KLHL35: variants seen among roughly 807,000 people sequenced by gnomAD.
KLHL35 encodes the protein kelch like family member 35.
KLHL35 carries 50 observed loss-of-function variants against 44.0 expected under a neutral mutation model. That is an observed-to-expected ratio of 1.14 (90% CI 0.91 to 1.44). The LOEUF is 1.44. Ranked by LOEUF, KLHL35 falls within the 40% of genes most tolerant of loss-of-function variation. KLHL35 has a pLI of 0.00. For missense variants in KLHL35, 1,049 were observed against 887.8 expected (o/e 1.18, Z -2.31); for synonymous variants, 470 against 410.4 (o/e 1.15, Z -1.76).
chr11:75,425,600 G>C lies in KLHL35; in HGVS notation c.1186-19C>G, dbSNP rs1258472474. ...CGAACAGCTGCAAGTGAGGACATGG[G>C]CCGGGGAGCCGGGTGCCAGGGCCTT... On this transcript the variant is annotated intron_variant, in intron 4 of 6. Coordinates refer to ENST00000539798, the MANE Select transcript of KLHL35 (RefSeq NM_001039548.3). 2 of 1,451,170 alleles carry C rather than the reference G, an allele frequency of 1.4e-6. No individual in the cohort carries two copies. Among genetic ancestry groups the C allele is most frequent in the Non-Finnish European group, 1.8e-6 (2 of 1,108,272 alleles). 89.9% of individuals were successfully genotyped at this position (1,451,170 alleles called of 1,614,324 possible). A position where few individuals can be genotyped will look rare whatever the true frequency, so the allele number is the denominator to read the frequency against.
Position 75,425,462 on chromosome 11 carries a change from CG to C in KLHL35, c.1304del (p.Ala435GlyfsTer11). The C allele has an allele frequency of 6.4e-7, 1 of 1,571,330 alleles. No individual in the cohort carries two copies. The highest frequency in any genetic ancestry group is 1.2e-5 in the South Asian group (1 of 86,800). ...APLPEAVSSA[A>X]VASCAGKLFV... ...AGAGCTTGCCCGCGCAGGACGCCAC[CG>C]CCGCCGAGCTCACGGCCTCCGGGAG... On this transcript the variant is annotated frameshift_variant, in exon 5 of 7. Transcript: ENST00000539798. LOFTEE classifies it high-confidence loss of function.
Position 75,430,568 on chromosome 11 carries a change from G to A in KLHL35, c.62C>T (p.Pro21Leu). 6.9e-7 allele frequency: 1 copy of A among 1,451,306 alleles called. No homozygotes were observed. Among genetic ancestry groups the A allele is most frequent in the Admixed American group, 2.6e-5 (1 of 38,616 alleles). The allele number at this position is 1,451,306 out of a possible 1,614,324, so 89.9% of individuals were successfully genotyped here. The stretch of plus-strand genomic sequence containing the variant: ...CTGCAGCACGCGCTGCGCGTGGCAC[G>A]GACCCGCGCACGGCGCTTCGCAGCC... Reference protein sequence around the residue: ...EPGCEAPCAGPCHAQRVLQAL... With the variant: ...EPGCEAPCAGLCHAQRVLQAL... Residue 21 changes from proline (P) to leucine (L), a missense_variant, in exon 2 of 7, where the codon CCG becomes CTG. Coordinates refer to ENST00000539798, the MANE Select transcript of KLHL35 (RefSeq NM_001039548.3).
chr11:75,432,807 T>C (rs916690377), intron 1 of KLHL35, among the ~76,000 whole-genome samples: 1 of 152,008 alleles, frequency 6.6e-6, no homozygotes, highest in African/African-American at 2.4e-5. Flanking sequence ...TCAATGGGTA[T>C]CCTCCCTTCT....
In KLHL35 at chr11:75,422,744, C is replaced by CA; in HGVS notation, c.1587dup (p.Asp530Ter). 1 of 1,613,804 alleles carries CA rather than the reference C, an allele frequency of 6.2e-7. No homozygotes were observed. The highest frequency in any genetic ancestry group is 1.1e-5 in the South Asian group (1 of 91,084). ...CCGCCAAGGATGTGGACCTTCCCGT[C>CA]ACACACAGTGACTCCACAGCTTTCC... On this transcript the variant is annotated frameshift_variant, in exon 7 of 7. Coordinates refer to ENST00000539798, the MANE Select transcript of KLHL35 (RefSeq NM_001039548.3). LOFTEE classifies it high-confidence loss of function.
rs150080924 is a variant in KLHL35, at chr11:75,426,887, G to A, written c.1067-249C>T. The A allele has an allele frequency of 4.0e-3, 1,489 of 371,108 alleles. 32 individuals carry two copies. Among genetic ancestry groups the A allele is most frequent in the African/African-American group, 0.028 (1,399 of 49,228 alleles). 23.0% of individuals were successfully genotyped at this position (371,108 alleles called of 1,614,324 possible). On this transcript the variant is annotated intron_variant, in intron 3 of 6. Coordinates refer to ENST00000539798, the MANE Select transcript of KLHL35 (RefSeq NM_001039548.3). Reference sequence around the variant, plus strand: ...CAGGAAGAAGGGGCTGGTTTTCGCCGGGCACCTTGTGGTGGTGGTGGTGGT... The same window carrying A: ...CAGGAAGAAGGGGCTGGTTTTCGCCAGGCACCTTGTGGTGGTGGTGGTGGT...
rs1948522233 is a variant in KLHL35 at position 75,430,120 on chromosome 11, C to CAGCGGGGCT, written c.509_510insAGCCCCGCT (p.Pro169_Ala171dup). 3 of 1,267,462 alleles carry CAGCGGGGCT rather than the reference C, an allele frequency of 2.4e-6. No homozygotes were observed. Among genetic ancestry groups the CAGCGGGGCT allele is most frequent in the Non-Finnish European group, 2.0e-6 (2 of 1,010,820 alleles). The allele number at this position is 1,267,462 out of a possible 1,614,324, so 78.5% of individuals were successfully genotyped here. Reference sequence around the variant, plus strand: ...GCAGGACGCGGCCGCAGCGCTCGGCCAGCGGGGCCAGCGAGAAGGCGGCGG... The same window carrying CAGCGGGGCT: ...GCAGGACGCGGCCGCAGCGCTCGGCCAGCGGGGCTAGCGGGGCCAGCGAGAAGGCGGCGG... On this transcript the variant is annotated inframe_insertion, in exon 2 of 7. Transcript: ENST00000539798.
intron 6 of KLHL35, 146 bp downstream of exon 6, chr11:75,423,546 A>G (rs1032969491): frequency 4.2e-6 from 3 of 716,868 alleles, no homozygotes; most frequent in Admixed American, 2.5e-5. Flanking sequence ...TCATCTGTGA[A>G]ATGCATGGTT....
Position 75,422,466 on chromosome 11 carries a change from A to G in KLHL35, c.*114T>C. 1.1e-6 allele frequency: 1 copy of G among 915,978 alleles called. No individual in the cohort carries two copies. The highest frequency in any genetic ancestry group is 1.7e-5 in the South Asian group (1 of 59,396). The allele number at this position is 915,978 out of a possible 1,614,324, so 56.7% of individuals were successfully genotyped here. A position where few individuals can be genotyped will look rare whatever the true frequency, so the allele number is the denominator to read the frequency against. On this transcript the variant is annotated 3_prime_UTR_variant, in exon 7 of 7. Transcript: ENST00000539798. ...CCCAACAAGATTTTATTTATACAAG[A>G]AAAGGGACCATTAAGTTAAGGGCTG...
chr11:75,423,973 C>G (rs1458789782), intron 5 of KLHL35, 93 bp from the exon 6 acceptor site: 1 of 1,033,460 alleles, frequency 9.7e-7, no homozygotes, highest in African/African-American at 1.6e-5. Context: ...CCCGGGGGCA[C>G]TCATTCAAAA....
At chr11:75,423,403 G>C (rs1036133085) in intron 6 of KLHL35, 9 of 384,560 alleles carry the variant, frequency 2.3e-5, no homozygotes. Context: ...GGGCAGGAGA[G>C]ACCACAGGGT....
chr11:75,430,123 C>T lies in KLHL35; in HGVS notation c.507G>A (p.Pro169=). The change falls in exon 2 of 7, where the codon CCG becomes CCA. Residue 169 remains proline (P), a synonymous_variant. Coordinates refer to ENST00000539798, the MANE Select transcript of KLHL35 (RefSeq NM_001039548.3). ...RRVAAAFSLA[P]LAERCGRVLR... ...GGACGCGGCCGCAGCGCTCGGCCAG[C>T]GGGGCCAGCGAGAAGGCGGCGGCCA... The T allele has an allele frequency of 7.9e-7, 1 of 1,266,846 alleles. No homozygotes were observed. Among genetic ancestry groups the T allele is most frequent in the Non-Finnish European group, 9.9e-7 (1 of 1,010,414 alleles). 78.5% of individuals were successfully genotyped at this position (1,266,846 alleles called of 1,614,324 possible).
intron 6 of KLHL35, 63 bp downstream of exon 6, chr11:75,423,629 A>G (rs1387737165): frequency 2.9e-6 from 4 of 1,396,024 alleles, no homozygotes; most frequent in Non-Finnish European, 4.0e-6. Context: ...CAAGATTCAC[A>G]AGCTCCAAGA....
At position 75,429,984 on chromosome 11, in the gene KLHL35, C is replaced by T. The variant is rs1462420208; in HGVS notation, c.646G>A (p.Val216Met). 4.9e-6 allele frequency: 7 copies of T among 1,419,980 alleles called. No individual in the cohort carries two copies. The highest frequency in any genetic ancestry group is 2.5e-4 in the Middle Eastern group (1 of 4,048). 88.0% of individuals were successfully genotyped at this position (1,419,980 alleles called of 1,614,324 possible). A position where few individuals can be genotyped will look rare whatever the true frequency, so the allele number is the denominator to read the frequency against. ...PALGVAREEA[V>M]FEAAMRWVRH... The stretch of plus-strand genomic sequence containing the variant: ...ACCCAGCGCATGGCCGCTTCAAACA[C>T]GGCCTCCTCGCGCGCCACGCCCAGC... The change falls in exon 2 of 7, where the codon GTG (valine) becomes ATG (methionine). Residue 216 changes from valine to methionine, a missense_variant. Physicochemically the swap from Val to Met is conservative, Grantham distance 21. Transcript: ENST00000539798.
Position 75,425,561 on chromosome 11 carries a change from G to A in KLHL35, c.1206C>T (p.Phe402=). ...VQGQLFAVGG[F]DGLRRLHSVE... is the part of the protein sequence containing the mutation. ...CGCTGTGCAGGCGCCTCAGGCCGTC[G>A]AAGCCACCCACCGCGAACAGCTGCA... Residue 402 remains phenylalanine (F), a synonymous_variant, in exon 5 of 7, where the codon TTC becomes TTT. Transcript: ENST00000539798. 6.7e-7 allele frequency: 1 copy of A among 1,487,432 alleles called. No individual in the cohort carries two copies. The highest frequency in any genetic ancestry group is 1.4e-5 in the South Asian group (1 of 73,738). The allele number at this position is 1,487,432 out of a possible 1,614,324, so 92.1% of individuals were successfully genotyped here. A position where few individuals can be genotyped will look rare whatever the true frequency, so the allele number is the denominator to read the frequency against.
intron 5 of KLHL35, 121 bp downstream of exon 5, chr11:75,425,271 TG>T: frequency 9.0e-7 from 1 of 1,109,108 alleles, no homozygotes; most frequent in Non-Finnish European, 1.2e-6. Flanking sequence ...GTGACTGGTC[TG>T]GGCTGTTGAT....
In KLHL35 at chr11:75,430,496, AGCACCACGTCGG is replaced by A; in HGVS notation, c.122_133del (p.Thr41_Leu45delinsMet). On this transcript the variant is annotated inframe_deletion, in exon 2 of 7. Transcript: ENST00000539798. ...CGGAAAGTCGCGCCCGCCGGCGCGC[AGCACCACGTCGG>A]TGAGGGTGCCGCTCCGCCGGTAGGC... is the stretch of plus-strand genomic sequence containing the variant. 1 of 1,421,524 alleles carries A rather than the reference AGCACCACGTCGG, an allele frequency of 7.0e-7. No individual in the cohort carries two copies. The highest frequency in any genetic ancestry group is 9.2e-7 in the Non-Finnish European group (1 of 1,091,550). The allele number at this position is 1,421,524 out of a possible 1,614,324, so 88.1% of individuals were successfully genotyped here. A position where few individuals can be genotyped will look rare whatever the true frequency, so the allele number is the denominator to read the frequency against.
chr11:75,423,965 C>T lies in KLHL35; in HGVS notation c.1375-85G>A, dbSNP rs900015205. The T allele has an allele frequency of 4.1e-5, 44 of 1,080,756 alleles. No homozygotes were observed. The Middle Eastern group carries it at 2.5e-3, about 61-fold the overall frequency. 66.9% of individuals were successfully genotyped at this position (1,080,756 alleles called of 1,614,324 possible). On this transcript the variant is annotated intron_variant, in intron 5 of 6. Coordinates refer to ENST00000539798, the MANE Select transcript of KLHL35 (RefSeq NM_001039548.3). ...GCCCACATGCTGCCACCTCTCCCCCCGGGGGCACTCATTCAAAACGACATT... is the reference window on the plus strand; with the variant it reads ...GCCCACATGCTGCCACCTCTCCCCCTGGGGGCACTCATTCAAAACGACATT...
chr11:75,425,452 A>G lies in KLHL35; in HGVS notation c.1315T>C (p.Cys439Arg). Residue 439 changes from cysteine to arginine, a missense_variant, in exon 5 of 7, where the codon TGC (cysteine) becomes CGC (arginine). Transcript: ENST00000539798. ...CCAATCACGAAGAGCTTGCCCGCGC[A>G]GGACGCCACCGCCGCCGAGCTCACG... ...EAVSSAAVAS[C>R]AGKLFVIGGA... is the part of the protein sequence containing the mutation. 1 of 1,572,108 alleles carries G rather than the reference A, an allele frequency of 6.4e-7. No homozygotes were observed.
intron 5 of KLHL35, 81 bp downstream of exon 5, chr11:75,425,312 T>G (rs140051239): frequency 7.2e-7 from 1 of 1,397,792 alleles, no homozygotes; most frequent in Non-Finnish European, 9.4e-7. Flanking sequence ...GACAAGGGCA[T>G]GGAAACGCCC....
Sources: allele counts gnomAD v4.1 joint callset (sites outside exome capture counted in the v4.1 genomes callset), GRCh38; gene constraint gnomAD v4.1.1; transcripts MANE v1.5; gene names NCBI Gene and HGNC (gene_info 2026-07-23, HGNC 2026-07-21).